SLC2A13: variants seen among roughly 807,000 people sequenced by gnomAD.
The protein encoded by SLC2A13 is solute carrier family 2 member 13, also known as proton myo-inositol cotransporter.
A neutral mutation model predicts 64.4 loss-of-function variants in SLC2A13; 32 were observed. The ratio of observed to expected loss-of-function variants is 0.50; its 90% CI spans 0.37 to 0.67. The LOEUF (loss-of-function observed/expected upper bound fraction) is 0.67, where lower values mean the gene tolerates loss of function less well. Ranked by LOEUF, SLC2A13 falls within the 30% of genes least tolerant of loss-of-function variation. The probability of loss-of-function intolerance (pLI) is 0.00; values close to 1 mark genes in which losing one functional copy is unlikely to be tolerated. For synonymous variants in SLC2A13, 338 were observed against 327.1 expected, an observed-to-expected ratio of 1.03 and a Z score of -0.36; for missense variants, 743 against 829.2, an observed-to-expected ratio of 0.90 and a Z score of 1.28.
intron 3 of SLC2A13, among the ~76,000 whole-genome samples, chr12:39,981,787 A>C (rs1283020713): frequency 7.4e-6 from 1 of 134,994 alleles, no homozygotes; most frequent in Admixed American, 7.6e-5. Context: ...AACTATTCCA[A>C]TCAATAGAAA....
intron 3 of SLC2A13, among the ~76,000 whole-genome samples, chr12:40,022,815 A>C (rs1592015468): frequency 1.3e-5 from 2 of 151,760 alleles, no homozygotes; most frequent in Non-Finnish European, 2.9e-5. Context: ...TCCAGCCTGC[A>C]TGACAGTACA....
intron 4 of SLC2A13, among the ~76,000 whole-genome samples, chr12:39,948,115 C>G (rs1946169939): frequency 6.6e-6 from 1 of 152,122 alleles, no homozygotes; most frequent in Non-Finnish European, 1.5e-5. Context: ...ATTTTCTCTA[C>G]TCTTTCTCTC....
At chr12:40,061,322 A>G (rs1054178140) in intron 1 of SLC2A13, among the ~76,000 whole-genome samples, 9 of 152,116 alleles carry the variant, frequency 5.9e-5, no homozygotes, top group African/African-American at 2.2e-4. Context: ...TGTGCAGGAA[A>G]CATAACTTAA....
In SLC2A13 at chr12:39,837,960, A is replaced by G. The variant is rs950714332; in HGVS notation, c.1320-7732T>C. Reference sequence around the variant, plus strand: ...ATTCCTCAGGGATCTAGAACTAGAAATACCATTTGACCCAGCCATCCCATT... The same window carrying G: ...ATTCCTCAGGGATCTAGAACTAGAAGTACCATTTGACCCAGCCATCCCATT... On this transcript the variant is annotated intron_variant, in intron 6 of 9. Transcript: ENST00000280871. 2.0e-5 allele frequency among the ~76,000 whole-genome samples: 3 copies of G among 151,344 alleles called. No homozygotes were observed. In the South Asian group the frequency reaches 6.3e-4, roughly 32 times the overall value.
chr12:39,885,110 T>A (rs1944437310), intron 4 of SLC2A13, among the ~76,000 whole-genome samples: 1 of 152,148 alleles, frequency 6.6e-6, no homozygotes, highest in African/African-American at 2.4e-5. Context: ...AGGGGGCTGA[T>A]GATGAAATGG....
intron 3 of SLC2A13, among the ~76,000 whole-genome samples, chr12:40,018,657 A>T (rs533764061): frequency 1.3e-5 from 2 of 152,206 alleles, no homozygotes; most frequent in Non-Finnish European, 2.9e-5. Context: ...CTTTGCCCAG[A>T]GAAAACTCCT....
At chr12:39,772,591 A>G (rs1940622476) in intron 7 of SLC2A13, among the ~76,000 whole-genome samples, 1 of 152,182 alleles carries the variant, frequency 6.6e-6, no homozygotes, top group Middle Eastern at 3.2e-3. Context: ...AGATTTAAGA[A>G]AATAGGAAAG....
chr12:39,838,660 G>T (rs375242898), intron 6 of SLC2A13, among the ~76,000 whole-genome samples: 3 of 152,046 alleles, frequency 2.0e-5, no homozygotes, highest in African/African-American at 7.2e-5. Flanking sequence ...AGTGTCTAAG[G>T]AAGAGAAAGG....
At chr12:39,925,558 AT>A (rs1301416958) in intron 4 of SLC2A13, among the ~76,000 whole-genome samples, 2 of 152,208 alleles carry the variant, frequency 1.3e-5, no homozygotes, top group Admixed American at 1.3e-4. Context: ...TACTTTAAAA[AT>A]ATATCAAATA....
chr12:39,855,581 T>G (rs1388357536), intron 6 of SLC2A13, among the ~76,000 whole-genome samples: 1 of 152,234 alleles, frequency 6.6e-6, no homozygotes, highest in Non-Finnish European at 1.5e-5. Context: ...CTGTTTTTTT[T>G]GTTGTTGTTT....
chr12:40,085,855 C>T (rs926215797), intron 1 of SLC2A13, among the ~76,000 whole-genome samples: 5 of 151,926 alleles, frequency 3.3e-5, no homozygotes, highest in African/African-American at 1.2e-4. Context: ...TTTCACGTCC[C>T]GCATTCCTTC....
intron 3 of SLC2A13, among the ~76,000 whole-genome samples, chr12:40,010,805 A>G (rs1947518226): frequency 6.6e-6 from 1 of 152,198 alleles, no homozygotes; most frequent in East Asian, 1.9e-4. Context: ...AAACAGATTT[A>G]GAAACAAACC....
intron 7 of SLC2A13, among the ~76,000 whole-genome samples, chr12:39,802,098 G>C (rs200343120): frequency 6.6e-6 from 1 of 152,176 alleles, no homozygotes; most frequent in African/African-American, 2.4e-5. Flanking sequence ...CAGTTGATGG[G>C]CTGGTCAGGA....
chr12:39,892,152 T>C lies in SLC2A13; in HGVS notation c.1035-20191A>G, dbSNP rs186497209. 1.6e-3 allele frequency among the ~76,000 whole-genome samples: 237 copies of C among 152,288 alleles called. 2 individuals are homozygous for C. The highest frequency in any genetic ancestry group is 5.3e-3 in the African/African-American group (221 of 41,554). On this transcript the variant is annotated intron_variant, in intron 4 of 9. Coordinates refer to ENST00000280871, the MANE Select transcript of SLC2A13 (RefSeq NM_052885.4). The stretch of plus-strand genomic sequence containing the variant: ...GCTCCACATAGCATGCTACTTACAT[T>C]GTAAGTAATAAAAAGAGCTTGAGCA...
intron 7 of SLC2A13, among the ~76,000 whole-genome samples, chr12:39,794,123 C>CAAAAAA (rs36179669): frequency 1.3e-5 from 1 of 78,372 alleles, no homozygotes; most frequent in Non-Finnish European, 2.3e-5. Flanking sequence ...GGCCAAATTG[C>CAAAAAA]AAAAAAAAAA....
intron 7 of SLC2A13, among the ~76,000 whole-genome samples, chr12:39,767,297 G>A (rs1940391240): frequency 1.3e-5 from 1 of 76,338 alleles, no homozygotes; most frequent in East Asian, 4.5e-4. Context: ...TATTTTGAAA[G>A]GAATCTTTTT....
At chr12:39,790,493 G>C (rs1468424484) in intron 7 of SLC2A13, among the ~76,000 whole-genome samples, 3 of 150,556 alleles carry the variant, frequency 2.0e-5, no homozygotes, top group Non-Finnish European at 4.4e-5. Context: ...TCTTGTGATA[G>C]TTTGCTGAGA....
intron 3 of SLC2A13, among the ~76,000 whole-genome samples, chr12:39,997,129 C>A (rs1482992309): frequency 6.6e-6 from 1 of 152,178 alleles, no homozygotes; most frequent in African/African-American, 2.4e-5. Flanking sequence ...TACCTGATCT[C>A]AAACTATACT....
intron 4 of SLC2A13, among the ~76,000 whole-genome samples, chr12:39,887,237 A>G (rs1944487074): frequency 6.6e-6 from 1 of 152,234 alleles, no homozygotes; most frequent in Non-Finnish European, 1.5e-5. Flanking sequence ...TGTCACTAGT[A>G]GTGAAATTCA....
Sources: gnomAD v4.1 joint callset for allele counts (sites outside exome capture counted in the v4.1 genomes callset) on GRCh38, gnomAD v4.1.1 for gene constraint, MANE v1.5 for transcripts, NCBI Gene and HGNC (gene_info 2026-07-23, HGNC 2026-07-21) for gene names.